The following SRSF4 variants were observed in gnomAD, a reference collection of about 807,000 sequenced individuals.
SRSF4 encodes serine and arginine rich splicing factor 4, also known as serine/arginine-rich splicing factor 4.
Under a neutral mutation model 48.8 loss-of-function variants are expected in SRSF4, and 12 were observed. The ratio of observed to expected loss-of-function variants is 0.25; its 90% confidence interval spans 0.16 to 0.40. The LOEUF (loss-of-function observed/expected upper bound fraction) is 0.40, where lower values mean the gene tolerates loss of function less well. Ranked by LOEUF, SRSF4 falls within the 10% of genes least tolerant of loss-of-function variation. The pLI is 1.00. For synonymous variants in SRSF4, 248 were observed against 232.5 expected, an observed-to-expected ratio of 1.07 and a Z score of -0.61; for missense variants, 466 against 667.1, an observed-to-expected ratio of 0.70 and a Z score of 3.32.
intron 2 of SRSF4, 131 bp downstream of exon 2, chr1:29,160,244 A>G: frequency 9.0e-7 from 1 of 1,109,204 alleles, no homozygotes; most frequent in Non-Finnish European, 1.2e-6. Flanking sequence ...CTACATTTTT[A>G]AAAAAGATAC....
In SRSF4 at chr1:29,159,485, A is replaced by C. The variant is rs1326242072; in HGVS notation, c.252T>G (p.Ser84Arg). ...GGCCACTTCTTCTATAACCATATCCACCTTTGGAAGGTTCAAATAAATAAG... is the reference window on the plus strand; with the variant it reads ...GGCCACTTCTTCTATAACCATATCCCCCTTTGGAAGGTTCAAATAAATAAG... ...RRDGSYGSGR[S>R]GYGYRRSGRD... is the part of the protein sequence containing the mutation. The change falls in exon 3 of 6, where the codon AGT (serine) becomes AGG (arginine). Residue 84 changes from serine (S) to arginine (R), a missense_variant and splice_region_variant. Coordinates refer to ENST00000373795, the MANE Select transcript of SRSF4 (RefSeq NM_005626.5). 6.2e-7 allele frequency: 1 copy of C among 1,609,650 alleles called. No homozygotes were observed. Among genetic ancestry groups the C allele is most frequent in the Non-Finnish European group, 8.5e-7 (1 of 1,176,594 alleles).
intron 1 of SRSF4, among the ~76,000 whole-genome samples, chr1:29,163,083 G>C (rs190206585): frequency 3.5e-4 from 54 of 152,318 alleles, no homozygotes; most frequent in Non-Finnish European, 4.7e-4. Flanking sequence ...TACGACAGAT[G>C]AATCTTTCTT....
rs1464705888 is a variant in SRSF4 at position 29,148,232 on chromosome 1, A to AGGCCTG, written c.*172_*177dup. On this transcript the variant is annotated 3_prime_UTR_variant, in exon 6 of 6. Transcript: ENST00000373795. ...GAAAATTTTTTTCAGTCGAGCAGGA[A>AGGCCTG]GGCCTGGTGCCAGGAGGCTTTACTG... 6.6e-6 allele frequency: 6 copies of AGGCCTG among 912,978 alleles called. No individual in the cohort carries two copies. Among genetic ancestry groups the AGGCCTG allele is most frequent in the Non-Finnish European group, 1.0e-5 (6 of 575,900 alleles). The allele number at this position is 912,978 out of a possible 1,614,324, so 56.6% of individuals were successfully genotyped here.
chr1:29,157,878 C>T (rs545740524), intron 3 of SRSF4, among the ~76,000 whole-genome samples: 1 of 152,244 alleles, frequency 6.6e-6, no homozygotes, highest in South Asian at 2.1e-4. Context: ...ACACTGTTGT[C>T]AATAAGTGGG....
At chr1:29,179,961 A>G (rs1052112667) in intron 1 of SRSF4, among the ~76,000 whole-genome samples, 2 of 152,228 alleles carry the variant, frequency 1.3e-5, no homozygotes, top group African/African-American at 4.8e-5. Context: ...TCACCTGAGT[A>G]ACATTAGAAA....
chr1:29,180,122 G>A (rs1375849879), intron 1 of SRSF4, among the ~76,000 whole-genome samples: 1 of 152,174 alleles, frequency 6.6e-6, no homozygotes, highest in East Asian at 1.9e-4. Context: ...GAACAACCAG[G>A]TTCAGAGAAG....
intron 3 of SRSF4, among the ~76,000 whole-genome samples, chr1:29,158,937 T>C (rs1333771463): frequency 1.3e-5 from 2 of 152,056 alleles, no homozygotes; most frequent in East Asian, 1.9e-4. Context: ...AAACCTCGTC[T>C]CTACTAAAAA....
At chr1:29,179,875 TTTG>T (rs1346371639) in intron 1 of SRSF4, among the ~76,000 whole-genome samples, 2 of 152,240 alleles carry the variant, frequency 1.3e-5, no homozygotes, top group Non-Finnish European at 2.9e-5. Flanking sequence ...TGGTGGACAT[TTTG>T]TTGATGGGTT....
At chr1:29,159,612 T>G in intron 2 of SRSF4, 126 bp from the exon 3 acceptor site, 1 of 519,106 alleles carries the variant, frequency 1.9e-6, no homozygotes, top group Non-Finnish European at 3.4e-6. Flanking sequence ...TTTAACTCTA[T>G]TCCCACCCTT....
Position 29,180,941 on chromosome 1 carries a change from C to T in SRSF4, c.107+705G>A, listed in dbSNP as rs142698269. Among the ~76,000 whole-genome samples the T allele has an allele frequency of 2.9e-3, 449 of 152,326 alleles. 3 individuals carry two copies. Among genetic ancestry groups the T allele is most frequent in the African/African-American group, 0.01 (432 of 41,572 alleles). ...ACTATTCTCCTAACAAATTCTACAACGGCCAAGCAATTTTTCGGTAAGTTG... is the reference window on the plus strand; with the variant it reads ...ACTATTCTCCTAACAAATTCTACAATGGCCAAGCAATTTTTCGGTAAGTTG... On this transcript the variant is annotated intron_variant, in intron 1 of 5. Transcript: ENST00000373795.
At chr1:29,178,297 G>A (rs1672900310) in intron 1 of SRSF4, among the ~76,000 whole-genome samples, 1 of 150,664 alleles carries the variant, frequency 6.6e-6, no homozygotes, top group African/African-American at 2.4e-5. Context: ...CTGAACTCCA[G>A]CAATTCTTCA....
intron 5 of SRSF4, 54 bp from the exon 6 acceptor site, chr1:29,149,280 A>T: frequency 6.3e-7 from 1 of 1,575,792 alleles, no homozygotes; most frequent in Non-Finnish European, 8.6e-7. Context: ...GCTAATCAGG[A>T]GATAAAAAGA....
chr1:29,155,959 A>G (rs1672493073), intron 3 of SRSF4, among the ~76,000 whole-genome samples: 1 of 152,092 alleles, frequency 6.6e-6, no homozygotes, highest in Non-Finnish European at 1.5e-5. Flanking sequence ...AAGAGGAGAT[A>G]TGATTAGGAG....
chr1:29,166,826 C>CA (rs1360263763), intron 1 of SRSF4: 2 of 152,390 alleles, frequency 1.3e-5, no homozygotes, highest in East Asian at 3.9e-4. Context: ...AGTTCCCGCA[C>CA]ACCAAGGGCT....
rs1353157851 is a variant in SRSF4, at chr1:29,173,204, C to T, written c.107+8442G>A. 3 of 123,626 alleles carry T rather than the reference C, an allele frequency of 2.4e-5. No homozygotes were observed. In the Admixed American group the frequency reaches 3.2e-4, roughly 13 times the overall value. The allele number at this position is 123,626 out of a possible 1,614,324, so 7.7% of individuals were successfully genotyped here. A position where few individuals can be genotyped will look rare whatever the true frequency, so the allele number is the denominator to read the frequency against. On this transcript the variant is annotated intron_variant, in intron 1 of 5. Transcript: ENST00000373795. ...CCAGGCTGGAGTGCAGTGGTGCGATCTCGGCTCACTGCAAGCTCAGCCTCC... is the reference window on the plus strand; with the variant it reads ...CCAGGCTGGAGTGCAGTGGTGCGATTTCGGCTCACTGCAAGCTCAGCCTCC...
chr1:29,148,000 A>T lies in SRSF4; in HGVS notation c.*410T>A. ...TGAAACCAAAGTGGTAGGAAACTTA[A>T]GACTTAGCACTTTCACTAAATGGCA... On this transcript the variant is annotated 3_prime_UTR_variant, in exon 6 of 6. Transcript: ENST00000373795. 2 of 445,148 alleles carry T rather than the reference A, an allele frequency of 4.5e-6. No homozygotes were observed. The highest frequency in any genetic ancestry group is 3.2e-5 in the South Asian group (2 of 63,190). 27.6% of individuals were successfully genotyped at this position (445,148 alleles called of 1,614,324 possible).
chr1:29,148,602 A>T lies in SRSF4; in HGVS notation c.1293T>A (p.Ser431Arg), dbSNP rs767598320. The T allele has an allele frequency of 6.5e-5, 105 of 1,613,324 alleles. No individual in the cohort carries two copies. The highest frequency in any genetic ancestry group is 9.4e-5 in the African/African-American group (7 of 74,690). Residue 431 changes from serine (S) to arginine (R), a missense_variant, in exon 6 of 6, where the codon AGT becomes AGA. Physicochemically the swap from Ser to Arg is moderately radical, Grantham distance 110. Around this residue, in one of 2 missense-constraint regions of SRSF4, gnomAD observed 402 missense variants for 437.0 expected, o/e 0.92. Transcript: ENST00000373795. ...TCTCCTGATTGGTGCCAGCATTCTC[A>T]CTCTCTCCTCGACCTTCCCTCTGGC... ...ESSQREGRGE[S>R]ENAGTNQETR...
intron 1 of SRSF4, among the ~76,000 whole-genome samples, chr1:29,177,439 G>A (rs1375403857): frequency 6.6e-6 from 1 of 152,036 alleles, no homozygotes; most frequent in Non-Finnish European, 1.5e-5. Context: ...GTGCCACGAC[G>A]CCCGGCTAAC....
At chr1:29,165,830 T>C (rs1437057332) in intron 1 of SRSF4, 1 of 152,292 alleles carries the variant, frequency 6.6e-6, no homozygotes, top group East Asian at 1.9e-4. Context: ...CCGAGGGGCA[T>C]GCCTTGGATG....
Sources: gnomAD v4.1 joint callset for allele counts (sites outside exome capture counted in the v4.1 genomes callset) on GRCh38, gnomAD v4.1.1 for gene constraint, gnomAD v4.1.1 regional missense constraint, MANE v1.5 for transcripts, NCBI Gene and HGNC (gene_info 2026-07-23, HGNC 2026-07-21) for gene names.